SLC35F4: variants seen among roughly 807,000 people sequenced by gnomAD.
SLC35F4 encodes the protein solute carrier family 35 member F4.
Under a neutral mutation model 44.2 loss-of-function variants are expected in SLC35F4, and 24 were observed. The ratio of observed to expected loss-of-function variants is 0.54; its 90% confidence interval spans 0.39 to 0.76. The LOEUF (loss-of-function observed/expected upper bound fraction) is 0.76. Ranked by LOEUF, SLC35F4 falls within the 30% of genes least tolerant of loss-of-function variation. The pLI is 0.00. For missense variants in SLC35F4, 562 were observed against 586.1 expected (o/e 0.96, Z 0.42); for synonymous variants, 238 against 223.6 (o/e 1.06, Z -0.57).
intron 1 of SLC35F4, among the ~76,000 whole-genome samples, chr14:57,912,764 T>C (rs1229669801): frequency 2.6e-5 from 4 of 152,062 alleles, no homozygotes; most frequent in African/African-American, 9.6e-5. Flanking sequence ...GAATAGGCTA[T>C]AGATGTCAAT....
intron 1 of SLC35F4, among the ~76,000 whole-genome samples, chr14:57,876,423 C>A (rs1888401287): frequency 6.6e-6 from 1 of 151,960 alleles, no homozygotes; most frequent in African/African-American, 2.4e-5. Flanking sequence ...CAAAACCTGG[C>A]TGCTGAAAAA....
chr14:57,789,421 A>T (rs1037450593), intron 1 of SLC35F4, among the ~76,000 whole-genome samples: 13 of 152,214 alleles, frequency 8.5e-5, no homozygotes, highest in Non-Finnish European at 1.8e-4. Context: ...TCCTGGACAC[A>T]TACACCCTCC....
chr14:57,662,756 G>T (rs1274689489), intron 1 of SLC35F4, among the ~76,000 whole-genome samples: 1 of 152,184 alleles, frequency 6.6e-6, no homozygotes, highest in Non-Finnish European at 1.5e-5. Context: ...TGCAAGGTGT[G>T]CTGGATATTC....
chr14:57,640,000 C>A (rs577188903), intron 1 of SLC35F4, among the ~76,000 whole-genome samples: 16 of 152,110 alleles, frequency 1.1e-4, no homozygotes, highest in African/African-American at 3.6e-4. Flanking sequence ...AGACCTCCCC[C>A]TTTTTCTATA....
At chr14:57,947,061 T>C (rs1256300001) in intron 1 of SLC35F4, among the ~76,000 whole-genome samples, 1 of 152,196 alleles carries the variant, frequency 6.6e-6, no homozygotes. Context: ...ATCTATAGAT[T>C]GCTTTTGACA....
intron 1 of SLC35F4, among the ~76,000 whole-genome samples, chr14:57,611,596 A>C (rs1265637389): frequency 1.3e-5 from 2 of 151,866 alleles, no homozygotes; most frequent in South Asian, 2.1e-4. Context: ...AAAAAAAAAA[A>C]AACAAAAAAA....
chr14:57,597,624 G>A (rs2070571718), intron 1 of SLC35F4, among the ~76,000 whole-genome samples: 1 of 152,186 alleles, frequency 6.6e-6, no homozygotes, highest in Non-Finnish European at 1.5e-5. Flanking sequence ...GAAGCCTGGA[G>A]CAGGGAAGGC....
chr14:57,915,016 T>A (rs1020085536), intron 1 of SLC35F4, among the ~76,000 whole-genome samples: 4 of 152,192 alleles, frequency 2.6e-5, no homozygotes, highest in African/African-American at 7.2e-5. Flanking sequence ...GAGGAAACCA[T>A]GCCCCCACAG....
intron 1 of SLC35F4, among the ~76,000 whole-genome samples, chr14:57,936,433 C>T (rs1889797837): frequency 6.6e-6 from 1 of 152,220 alleles, no homozygotes; most frequent in African/African-American, 2.4e-5. Context: ...TCTGCAAAGA[C>T]TGGCAGCGCC....
chr14:57,743,281 A>C (rs2076665356), intron 1 of SLC35F4, among the ~76,000 whole-genome samples: 1 of 152,206 alleles, frequency 6.6e-6, no homozygotes, highest in African/African-American at 2.4e-5. Flanking sequence ...CAATGAATCC[A>C]GGAGCTGGTT....
At chr14:57,698,207 G>A (rs1157593272) in intron 1 of SLC35F4, among the ~76,000 whole-genome samples, 1 of 152,100 alleles carries the variant, frequency 6.6e-6, no homozygotes, top group Non-Finnish European at 1.5e-5. Context: ...GCAGTGTAAG[G>A]ATATATCATA....
chr14:57,724,247 G>C (rs2076151467), intron 1 of SLC35F4, among the ~76,000 whole-genome samples: 1 of 152,172 alleles, frequency 6.6e-6, no homozygotes, highest in African/African-American at 2.4e-5. Flanking sequence ...ATCCAATGGT[G>C]CTTGAGGTTT....
intron 1 of SLC35F4, among the ~76,000 whole-genome samples, chr14:57,875,621 T>A (rs1888383288): frequency 6.6e-6 from 1 of 152,232 alleles, no homozygotes; most frequent in Non-Finnish European, 1.5e-5. Flanking sequence ...ACATATCTCA[T>A]GACCCAGCAG....
At chr14:57,835,620 G>A (rs747218026) in intron 1 of SLC35F4, among the ~76,000 whole-genome samples, 16 of 152,196 alleles carry the variant, frequency 1.1e-4, no homozygotes, top group Non-Finnish European at 1.9e-4. Context: ...AATTACTGAG[G>A]ACTCAAGAGT....
intron 1 of SLC35F4, among the ~76,000 whole-genome samples, chr14:57,670,190 T>C (rs1348683583): frequency 6.6e-6 from 1 of 152,170 alleles, no homozygotes. Context: ...ACTTTATCAT[T>C]TTTTATTGCG....
At chr14:57,865,429 A>G (rs1189359693) in intron 1 of SLC35F4, among the ~76,000 whole-genome samples, 1 of 152,186 alleles carries the variant, frequency 6.6e-6, no homozygotes, top group Non-Finnish European at 1.5e-5. Flanking sequence ...GAGCCGGCCA[A>G]CGGCGGTCAG....
chr14:57,889,761 C>T (rs561582923), intron 1 of SLC35F4, among the ~76,000 whole-genome samples: 1 of 152,182 alleles, frequency 6.6e-6, no homozygotes, highest in Admixed American at 6.5e-5. Flanking sequence ...AAAATGAATG[C>T]CTTTGTTATA....
chr14:57,619,944 G>A (rs936404102), intron 1 of SLC35F4, among the ~76,000 whole-genome samples: 6 of 151,796 alleles, frequency 4.0e-5, no homozygotes, highest in Admixed American at 1.3e-4. Flanking sequence ...AGATATCAGA[G>A]ACTGAAGATC....
chr14:57,794,198 T>A (rs181482919), intron 1 of SLC35F4, among the ~76,000 whole-genome samples: 1 of 151,906 alleles, frequency 6.6e-6, no homozygotes, highest in East Asian at 1.9e-4. Flanking sequence ...CAAAAATAAG[T>A]AAGACCAAAC....
Sources: allele counts gnomAD v4.1 joint callset (sites outside exome capture counted in the v4.1 genomes callset), GRCh38; gene constraint gnomAD v4.1.1; transcripts MANE v1.5; gene names NCBI Gene and HGNC (gene_info 2026-07-23, HGNC 2026-07-21).